LY75: variants seen among roughly 807,000 people sequenced by gnomAD.
LY75 encodes the protein lymphocyte antigen 75, also known as C-type lectin domain family 13 member B.
In LY75, 185 loss-of-function variants were observed where a neutral mutation model predicts 231.7. The ratio of observed to expected loss-of-function variants is 0.80; its 90% confidence interval spans 0.71 to 0.90. The LOEUF is 0.90. Among genes scored for constraint, LY75 ranks in the 40% least tolerant of loss-of-function variants. The pLI is 0.00. For missense variants in LY75, 1,947 were observed against 2,050.2 expected (o/e 0.95, Z 0.97); for synonymous variants, 668 against 689.0 (o/e 0.97, Z 0.48).
chr2:159,878,472 A>T lies in LY75; in HGVS notation c.1626T>A (p.Asn542Lys). 1.2e-6 allele frequency: 2 copies of T among 1,613,988 alleles called. No individual in the cohort carries two copies. The highest frequency in any genetic ancestry group is 2.2e-5 in the East Asian group (1 of 44,872). The change falls in exon 11 of 35, where the codon AAT becomes AAA. Residue 542 changes from asparagine to lysine, a missense_variant. Coordinates refer to ENST00000263636, the MANE Select transcript of LY75 (RefSeq NM_002349.4). ...ITSRFEQEYL[N>K]DLMKKYDKSL... ...ATTTATCATACTTTTTCATCAAATC[A>T]TTTAGGTATTCTTGCTCAAATCTAC...
At chr2:159,823,073 G>A (rs752092275) in intron 28 of LY75, among the ~76,000 whole-genome samples, 4 of 152,126 alleles carry the variant, frequency 2.6e-5, no homozygotes, top group East Asian at 1.9e-4. Flanking sequence ...ACCAGCTAGC[G>A]AACAAAACTG....
intron 13 of LY75, chr2:159,871,883 T>C (rs1685024183): frequency 6.6e-6 from 1 of 152,630 alleles, no homozygotes. Flanking sequence ...TTTTGTTTGG[T>C]TGTGTTTAAT....
intron 28 of LY75, among the ~76,000 whole-genome samples, chr2:159,828,102 C>G (rs1481611834): frequency 7.0e-6 from 1 of 142,132 alleles, no homozygotes; most frequent in African/African-American, 2.6e-5. Flanking sequence ...ACTTAAAGTA[C>G]AATAAAAAAA....
intron 3 of LY75, among the ~76,000 whole-genome samples, chr2:159,893,200 T>C (rs905784518): frequency 2.0e-5 from 3 of 152,146 alleles, no homozygotes; most frequent in African/African-American, 7.2e-5. Flanking sequence ...CAATCTTTAA[T>C]TGGACTGATA....
chr2:159,873,238 G>A (rs1024874454), intron 12 of LY75, among the ~76,000 whole-genome samples: 1 of 152,184 alleles, frequency 6.6e-6, no homozygotes, highest in Non-Finnish European at 1.5e-5. Context: ...AATTATATTT[G>A]TCCCAATTCT....
intron 13 of LY75, among the ~76,000 whole-genome samples, chr2:159,866,195 T>C (rs954916434): frequency 2.6e-5 from 4 of 152,120 alleles, no homozygotes; most frequent in African/African-American, 7.2e-5. Flanking sequence ...ATGGAACATA[T>C]AGCTACAAGT....
chr2:159,822,202 A>T (rs1295086022), intron 28 of LY75, among the ~76,000 whole-genome samples: 1 of 152,206 alleles, frequency 6.6e-6, no homozygotes, highest in African/African-American at 2.4e-5. Context: ...ACTCCCCTGG[A>T]AAGGGGTGCT....
Position 159,817,052 on chromosome 2 carries a change from T to C in LY75, c.4154-20A>G, listed in dbSNP as rs753081613. 5.1e-6 allele frequency: 8 copies of C among 1,556,670 alleles called. No homozygotes were observed. In the Admixed American group the frequency reaches 1.4e-4, roughly 27 times the overall value. The stretch of plus-strand genomic sequence containing the variant: ...AGTCAACTATAATAATTAAAAGCAC[T>C]GGTGATTAAAATTTAAATTATTTCA... On this transcript the variant is annotated intron_variant, in intron 29 of 34. Coordinates refer to ENST00000263636, the MANE Select transcript of LY75 (RefSeq NM_002349.4).
chr2:159,890,443 T>A (rs756918711), intron 3 of LY75, 66 bp from the exon 4 acceptor site: 5 of 1,596,472 alleles, frequency 3.1e-6, no homozygotes, highest in Non-Finnish European at 4.3e-6. Flanking sequence ...CTTAGAATGC[T>A]TAGAAATACT....
chr2:159,886,394 A>G (rs1378204679), intron 5 of LY75, 26 bp downstream of exon 5: 1 of 1,596,290 alleles, frequency 6.3e-7, no homozygotes. Context: ...TGTTCTGTGC[A>G]GAGGGGGTAG....
intron 24 of LY75, among the ~76,000 whole-genome samples, chr2:159,841,437 T>C (rs1461471196): frequency 1.3e-5 from 2 of 151,988 alleles, no homozygotes; most frequent in African/African-American, 4.8e-5. Context: ...AAGATTAATT[T>C]AGCAAAAAAA....
At position 159,816,954 on chromosome 2, in the gene LY75, T is replaced by G. The variant is rs763770725; in HGVS notation, c.4232A>C (p.Lys1411Thr). ...YEDGIYSVIQ[K>T]KVTWYEALNM... ...TAATGCTTCATACCATGTTACCTTT[T>G]TTTGAATAACACTGTAAATACCATC... The change falls in exon 30 of 35, where the codon AAA becomes ACA. Residue 1411 changes from lysine to threonine, a missense_variant. By Grantham distance (78) the Lys-to-Thr change is moderately conservative. Transcript: ENST00000263636. 54 of 1,614,200 alleles carry G rather than the reference T, an allele frequency of 3.3e-5. 1 individual carries two copies. Among genetic ancestry groups the G allele is most frequent in the Non-Finnish European group, 4.6e-5 (54 of 1,180,026 alleles).
intron 31 of LY75, among the ~76,000 whole-genome samples, chr2:159,812,666 GC>G (rs1297732180): frequency 6.6e-6 from 1 of 152,090 alleles, no homozygotes; most frequent in Non-Finnish European, 1.5e-5. Flanking sequence ...ACCTGTCTCA[GC>G]CCCCCAAAGT....
chr2:159,894,396 G>A (rs935700197), intron 2 of LY75, among the ~76,000 whole-genome samples: 5 of 152,204 alleles, frequency 3.3e-5, no homozygotes, highest in African/African-American at 9.7e-5. Context: ...GAAAGAGCCT[G>A]GCTTGATCAG....
At chr2:159,855,221 A>T (rs757924646) in intron 16 of LY75, among the ~76,000 whole-genome samples, 1 of 152,242 alleles carries the variant, frequency 6.6e-6, no homozygotes, top group African/African-American at 2.4e-5. Context: ...AGTAAGACAG[A>T]TAAAATATAG....
chr2:159,839,268 G>A (rs1683929915), intron 25 of LY75, among the ~76,000 whole-genome samples: 1 of 152,068 alleles, frequency 6.6e-6, no homozygotes, highest in Non-Finnish European at 1.5e-5. Context: ...GACCCATCCT[G>A]GTATACTTTG....
intron 25 of LY75, among the ~76,000 whole-genome samples, chr2:159,839,138 A>G (rs1454910826): frequency 6.6e-6 from 1 of 152,160 alleles, no homozygotes; most frequent in Non-Finnish European, 1.5e-5. Context: ...CAGAGAGACT[A>G]TTCTTTAAGC....
In LY75 at chr2:159,845,079, A is replaced by C. The variant is rs773424646; in HGVS notation, c.3151-2705T>G. Among the ~76,000 whole-genome samples, 134 of 152,238 alleles carry C rather than the reference A, an allele frequency of 8.8e-4. 1 individual carries two copies. Among genetic ancestry groups the C allele is most frequent in the Non-Finnish European group, 1.6e-3 (109 of 67,998 alleles). ...ACATGATTCCATTCTTTTTATAGCT[A>C]AAGTTGCCATTGTTAATGACAATGA... is the stretch of plus-strand genomic sequence containing the variant. On this transcript the variant is annotated intron_variant, in intron 23 of 34. Coordinates refer to ENST00000263636, the MANE Select transcript of LY75 (RefSeq NM_002349.4).
rs749593482 is a variant in LY75, at chr2:159,819,724, A to G, written c.4153+2T>C. ...GAAAACTCTATATTTTACTATACTTACCCATTTCAATTTTACAAGCAAGAA... is the reference window on the plus strand; with the variant it reads ...GAAAACTCTATATTTTACTATACTTGCCCATTTCAATTTTACAAGCAAGAA... On this transcript the variant is annotated splice_donor_variant, in intron 29 of 34. Coordinates refer to ENST00000263636, the MANE Select transcript of LY75 (RefSeq NM_002349.4). LOFTEE classifies it high-confidence loss of function. 2.5e-6 allele frequency: 4 copies of G among 1,607,880 alleles called. No homozygotes were observed. Among genetic ancestry groups the G allele is most frequent in the Non-Finnish European group, 3.4e-6 (4 of 1,178,086 alleles).
Sources: allele counts gnomAD v4.1 joint callset (sites outside exome capture counted in the v4.1 genomes callset), GRCh38; gene constraint gnomAD v4.1.1; transcripts MANE v1.5; gene names NCBI Gene and HGNC (gene_info 2026-07-23, HGNC 2026-07-21).